The following NOSIP variants were observed in gnomAD, a reference collection of about 807,000 sequenced individuals.
NOSIP encodes nitric oxide synthase-interacting protein.
A neutral mutation model predicts 36.4 loss-of-function variants in NOSIP; 25 were observed. The ratio of observed to expected loss-of-function variants is 0.69; its 90% CI spans 0.50 to 0.96. The LOEUF (loss-of-function observed/expected upper bound fraction) is 0.96, where lower values mean the gene tolerates loss of function less well. Among genes scored for constraint, NOSIP ranks in the 40% least tolerant of loss-of-function variants. The pLI, the probability that NOSIP is intolerant of heterozygous loss-of-function variation, is 0.00. For synonymous variants in NOSIP, 187 were observed against 179.2 expected (o/e 1.04, Z -0.35); for missense variants, 370 against 429.0 (o/e 0.86, Z 1.21).
In NOSIP at chr19:49,570,351, T is replaced by C. The variant is rs1193680515; in HGVS notation, c.-1-9659A>G. Among the ~76,000 whole-genome samples the C allele has an allele frequency of 2.0e-5, 3 of 152,104 alleles. No homozygotes were observed. The East Asian group carries it at 5.8e-4, about 29-fold the overall frequency. On this transcript the variant is annotated intron_variant, in intron 1 of 8. Coordinates refer to ENST00000596358, the MANE Select transcript of NOSIP (RefSeq NM_001270960.2). ...ATTCAAAACTTGAAACACAAACCTC[T>C]GGGAGCTATGGAGCTCTCTCTCCCC...
chr19:49,571,855 C>T (rs984597218), intron 1 of NOSIP, among the ~76,000 whole-genome samples: 6 of 151,616 alleles, frequency 4.0e-5, no homozygotes, highest in East Asian at 2.0e-4. Context: ...TGTGTTGGTG[C>T]GCGCCTGTGG....
intron 1 of NOSIP, among the ~76,000 whole-genome samples, chr19:49,578,180 G>A (rs144701378): frequency 1.3e-5 from 2 of 151,914 alleles, no homozygotes; most frequent in East Asian, 3.9e-4. Context: ...CTGGAGTGAA[G>A]TGGCATGATC....
At chr19:49,576,508 T>A (rs1295219503) in intron 1 of NOSIP, among the ~76,000 whole-genome samples, 2 of 151,318 alleles carry the variant, frequency 1.3e-5, no homozygotes, top group African/African-American at 4.9e-5. Context: ...TCCCAGGAGG[T>A]TGAGGCTGCA....
At chr19:49,570,290 C>T (rs1290128730) in intron 1 of NOSIP, among the ~76,000 whole-genome samples, 1 of 152,046 alleles carries the variant, frequency 6.6e-6, no homozygotes, top group Non-Finnish European at 1.5e-5. Context: ...ATCTCTATCG[C>T]CCCCTTCTGG....
intron 4 of NOSIP, chr19:49,557,537 C>T: frequency 7.9e-7 from 1 of 1,262,590 alleles, no homozygotes; most frequent in African/African-American, 1.5e-5. Context: ...TGGTTACCCA[C>T]CTCAGCGGCT....
intron 1 of NOSIP, among the ~76,000 whole-genome samples, chr19:49,574,991 T>C (rs2080532796): frequency 6.6e-6 from 1 of 151,530 alleles, no homozygotes; most frequent in Admixed American, 6.6e-5. Context: ...GCCTCCCGAG[T>C]AGCTGGGACT....
At chr19:49,556,259 T>C (rs1487920571) in intron 8 of NOSIP, 58 bp downstream of exon 8, 6 of 610,790 alleles carry the variant, frequency 9.8e-6, no homozygotes, top group African/African-American at 5.7e-5. Flanking sequence ...TTGGAGGGGG[T>C]GAAGGGGAGG....
chr19:49,574,698 G>C (rs1248737716), intron 1 of NOSIP, among the ~76,000 whole-genome samples: 1 of 152,110 alleles, frequency 6.6e-6, no homozygotes, highest in Non-Finnish European at 1.5e-5. Flanking sequence ...TTCAGTGGCA[G>C]AGAGAAAGCT....
At chr19:49,564,466 A>AC (rs1404736502) in intron 1 of NOSIP, among the ~76,000 whole-genome samples, 2 of 151,510 alleles carry the variant, frequency 1.3e-5, no homozygotes, top group Admixed American at 1.3e-4. Context: ...AAAAAAAAAA[A>AC]AAAAAAAAAA....
intron 8 of NOSIP, among the ~76,000 whole-genome samples, chr19:49,556,094 G>GGGGCCTTAAAAATAGGGCAGGGGGCA (rs200191784): frequency 8.6e-6 from 1 of 116,772 alleles, no homozygotes; most frequent in African/African-American, 4.6e-5. Context: ...GGGAAGGGGC[G>GGGGCCTTAAAAATAGGGCAGGGGGCA]GGGCCTTGAA....
intron 1 of NOSIP, among the ~76,000 whole-genome samples, chr19:49,572,354 G>A (rs1316842154): frequency 2.0e-5 from 3 of 148,126 alleles, no homozygotes; most frequent in African/African-American, 5.0e-5. Flanking sequence ...TGATCCACCC[G>A]CCTCAGCCTC....
intron 1 of NOSIP, among the ~76,000 whole-genome samples, chr19:49,567,186 G>A (rs1373147886): frequency 1.4e-5 from 2 of 143,042 alleles, no homozygotes; most frequent in African/African-American, 5.3e-5. Flanking sequence ...GCAGTGGCGC[G>A]ATCTCGGCTC....
intron 1 of NOSIP, among the ~76,000 whole-genome samples, chr19:49,570,838 C>T (rs1003632095): frequency 2.0e-5 from 3 of 152,136 alleles, no homozygotes; most frequent in African/African-American, 7.2e-5. Flanking sequence ...CAGTATTTGG[C>T]TCTGGGCACC....
intron 4 of NOSIP, 129 bp from the exon 5 acceptor site, chr19:49,557,378 G>T (rs1352971381): frequency 2.1e-6 from 3 of 1,447,454 alleles, no homozygotes; most frequent in Non-Finnish European, 2.7e-6. Flanking sequence ...GCAGAGGGTG[G>T]TAACTGCCAC....
chr19:49,565,961 A>G (rs1025269113), intron 1 of NOSIP, among the ~76,000 whole-genome samples: 17 of 152,118 alleles, frequency 1.1e-4, no homozygotes, highest in African/African-American at 4.1e-4. Flanking sequence ...TTGGTACCCA[A>G]TGTCTAGCAC....
chr19:49,574,152 G>A (rs528334068), intron 1 of NOSIP, among the ~76,000 whole-genome samples: 2 of 151,970 alleles, frequency 1.3e-5, no homozygotes, highest in East Asian at 3.9e-4. Flanking sequence ...ATGAGCTACC[G>A]CGCCCAGTCT....
At chr19:49,579,981 C>T (rs561826638) in intron 1 of NOSIP, among the ~76,000 whole-genome samples, 22 of 151,800 alleles carry the variant, frequency 1.4e-4, no homozygotes, top group Non-Finnish European at 2.9e-4. Context: ...GACTGCCTGA[C>T]CCCGAAGCTC....
intron 8 of NOSIP, among the ~76,000 whole-genome samples, 166 bp downstream of exon 8, chr19:49,556,150 CG>C (rs1265269025): frequency 2.2e-5 from 1 of 44,696 alleles, no homozygotes; most frequent in Non-Finnish European, 3.6e-5. Context: ...GGGGGAAGGG[CG>C]GGGCCTTGCA....
At chr19:49,556,780 G>A (rs752502677) in intron 6 of NOSIP, 44 bp from the exon 7 acceptor site, 107 of 1,584,866 alleles carry the variant, frequency 6.8e-5, no homozygotes, top group Non-Finnish European at 3.1e-5. Context: ...CAGGGCTGGC[G>A]CAGGTGGAGA....
Sources: gnomAD v4.1 joint callset for allele counts (sites outside exome capture counted in the v4.1 genomes callset) on GRCh38, gnomAD v4.1.1 for gene constraint, MANE v1.5 for transcripts, NCBI Gene and HGNC (gene_info 2026-07-23, HGNC 2026-07-21) for gene names.